Variants in AUTS2 observed in about 807,000 individuals in gnomAD.
AUTS2 encodes autism susceptibility gene 2 protein.
A neutral mutation model predicts 112.4 loss-of-function variants in AUTS2; 17 were observed. The observed-to-expected ratio is 0.15, with a 90% CI of 0.10 to 0.23. The LOEUF is 0.23. Among genes scored for constraint, AUTS2 ranks in the 10% least tolerant of loss-of-function variants. The pLI, the probability that AUTS2 is intolerant of heterozygous loss-of-function variation, is 1.00. For missense variants in AUTS2, 1,510 were observed against 1,701.6 expected, an observed-to-expected ratio of 0.89 and a Z score of 1.98; for synonymous variants, 751 against 702.7, an observed-to-expected ratio of 1.07 and a Z score of -1.09.
chr7:69,882,208 A>G (rs1794086271), intron 1 of AUTS2, among the ~76,000 whole-genome samples: 1 of 150,488 alleles, frequency 6.6e-6, no homozygotes, highest in Non-Finnish European at 1.5e-5. Context: ...GTGCTGGCTC[A>G]TGCCTGTAAT....
intron 1 of AUTS2, among the ~76,000 whole-genome samples, chr7:69,744,670 CAAAA>C (rs61451653): frequency 9.6e-6 from 1 of 104,042 alleles, no homozygotes; most frequent in Non-Finnish European, 2.1e-5. Flanking sequence ...CCCCACACTA[CAAAA>C]AAAAAAAAAA....
chr7:70,608,318 T>C (rs1034341704), intron 5 of AUTS2, among the ~76,000 whole-genome samples: 4 of 152,134 alleles, frequency 2.6e-5, no homozygotes, highest in Non-Finnish European at 5.9e-5. Context: ...TTGCCCAGCC[T>C]GTCCTCAAAC....
At chr7:70,435,618 C>G in intron 4 of AUTS2, 134 bp from the exon 5 acceptor site, 1 of 859,550 alleles carries the variant, frequency 1.2e-6, no homozygotes, top group Admixed American at 2.2e-5. Flanking sequence ...CTCTTTCTTT[C>G]CAGGAAGACA....
intron 4 of AUTS2, among the ~76,000 whole-genome samples, chr7:70,389,706 A>G (rs1285775621): frequency 1.3e-5 from 2 of 151,440 alleles, no homozygotes; most frequent in Non-Finnish European, 2.9e-5. Flanking sequence ...TCCCTGTTCC[A>G]CTTTGCTAAG....
chr7:70,147,023 A>G (rs935179192), intron 4 of AUTS2, among the ~76,000 whole-genome samples: 2 of 152,114 alleles, frequency 1.3e-5, no homozygotes, highest in African/African-American at 4.8e-5. Context: ...TCATTTTTGG[A>G]TACAGTACAC....
intron 2 of AUTS2, among the ~76,000 whole-genome samples, chr7:70,002,246 A>G (rs565401388): frequency 1.3e-5 from 2 of 152,190 alleles, no homozygotes; most frequent in Non-Finnish European, 2.9e-5. Flanking sequence ...GCTTTCAGCA[A>G]AATTTTTGGT....
chr7:69,858,259 G>T (rs1792823319), intron 1 of AUTS2, among the ~76,000 whole-genome samples: 1 of 152,214 alleles, frequency 6.6e-6, no homozygotes, highest in African/African-American at 2.4e-5. Flanking sequence ...AGTTGCTGCT[G>T]TTGGTTTCAG....
At chr7:69,634,795 C>T (rs1794440878) in intron 1 of AUTS2, among the ~76,000 whole-genome samples, 1 of 152,190 alleles carries the variant, frequency 6.6e-6, no homozygotes, top group African/African-American at 2.4e-5. Flanking sequence ...TCTAATAGTG[C>T]TGTGTTAGGG....
intron 4 of AUTS2, among the ~76,000 whole-genome samples, chr7:70,255,665 T>C (rs549394940): frequency 6.6e-6 from 1 of 150,384 alleles, no homozygotes; most frequent in East Asian, 2.0e-4. Context: ...AGAATATGAC[T>C]TTTTTTTTTC....
At chr7:70,290,635 TTA>T in intron 4 of AUTS2, 1 of 1,403,690 alleles carries the variant, frequency 7.1e-7, no homozygotes, top group Non-Finnish European at 9.2e-7. Flanking sequence ...GCAGTGTGTT[TTA>T]GTTTAACCTT....
At chr7:70,298,456 C>T (rs909414581) in intron 4 of AUTS2, among the ~76,000 whole-genome samples, 3 of 152,094 alleles carry the variant, frequency 2.0e-5, no homozygotes, top group African/African-American at 7.2e-5. Context: ...GTACTTTAAC[C>T]CTGTCCAAAA....
chr7:70,659,605 T>TGGGA (rs1806960965), intron 5 of AUTS2, among the ~76,000 whole-genome samples: 1 of 152,144 alleles, frequency 6.6e-6, no homozygotes, highest in Non-Finnish European at 1.5e-5. Flanking sequence ...GTTCAAGTTA[T>TGGGA]GGACATTACT....
At chr7:69,868,460 C>T (rs1006464674) in intron 1 of AUTS2, among the ~76,000 whole-genome samples, 3 of 152,166 alleles carry the variant, frequency 2.0e-5, no homozygotes, top group African/African-American at 7.2e-5. Context: ...ATGATGAAGA[C>T]AGTAAATTCT....
At chr7:70,781,538 C>T (rs1791080985) in intron 14 of AUTS2, 77 bp from the exon 15 acceptor site, 1 of 1,545,960 alleles carries the variant, frequency 6.5e-7, no homozygotes, top group Admixed American at 1.8e-5. Context: ...TTCACAGTCT[C>T]CAGCTCCAGC....
chr7:69,796,070 G>A (rs999451258), intron 1 of AUTS2, among the ~76,000 whole-genome samples: 1 of 152,198 alleles, frequency 6.6e-6, no homozygotes, highest in Non-Finnish European at 1.5e-5. Flanking sequence ...TTCTGTGGTG[G>A]GCTGACGATA....
intron 18 of AUTS2, among the ~76,000 whole-genome samples, chr7:70,788,748 G>A (rs148087807): frequency 7.2e-5 from 11 of 152,274 alleles, no homozygotes; most frequent in African/African-American, 2.6e-4. Flanking sequence ...CCCTTATAGG[G>A]GAGCCTCCTG....
At chr7:70,760,066 T>C (rs909855894) in intron 6 of AUTS2, among the ~76,000 whole-genome samples, 12 of 151,578 alleles carry the variant, frequency 7.9e-5, no homozygotes, top group Non-Finnish European at 1.0e-4. Flanking sequence ...AGTGCAGTGG[T>C]GTGATCTCAG....
At chr7:69,925,891 G>C (rs560194213) in intron 2 of AUTS2, among the ~76,000 whole-genome samples, 134 of 152,258 alleles carry the variant, frequency 8.8e-4, no homozygotes, top group Admixed American at 4.1e-3. Context: ...ATGGTGGTGC[G>C]CCTATAGTCC....
At chr7:69,892,582 T>A (rs1794575387) in intron 1 of AUTS2, among the ~76,000 whole-genome samples, 1 of 152,256 alleles carries the variant, frequency 6.6e-6, no homozygotes, top group Non-Finnish European at 1.5e-5. Context: ...CACTTTATTT[T>A]CTTGACAGTA....
Sources: gnomAD v4.1 joint callset for allele counts (sites outside exome capture counted in the v4.1 genomes callset) on GRCh38, gnomAD v4.1.1 for gene constraint, MANE v1.5 for transcripts, NCBI Gene and HGNC (gene_info 2026-07-23, HGNC 2026-07-21) for gene names.